Variants in NMT1 observed in about 807,000 individuals in gnomAD.
NMT1 encodes N-myristoyltransferase 1.
Under a neutral mutation model 63.4 loss-of-function variants are expected in NMT1, and 12 were observed. The observed-to-expected ratio is 0.19, with a 90% CI of 0.12 to 0.31. The LOEUF (loss-of-function observed/expected upper bound fraction) is 0.31. Among genes scored for constraint, NMT1 ranks in the 10% least tolerant of loss-of-function variants. The probability of loss-of-function intolerance (pLI) is 1.00; values close to 1 mark genes in which losing one functional copy is unlikely to be tolerated. For missense variants in NMT1, 432 were observed against 634.6 expected (o/e 0.68, Z 3.43); for synonymous variants, 228 against 234.3 (o/e 0.97, Z 0.25).
chr17:45,086,124 CTTTT>C (rs758394346), intron 2 of NMT1, among the ~76,000 whole-genome samples: 1 of 117,484 alleles, frequency 8.5e-6, no homozygotes, highest in African/African-American at 3.1e-5. Context: ...GCCCAGCACT[CTTTT>C]TTTTTTTTTT....
chr17:45,087,673 T>G (rs2143493238), intron 3 of NMT1, among the ~76,000 whole-genome samples: 1 of 152,266 alleles, frequency 6.6e-6, no homozygotes, highest in East Asian at 1.9e-4. Context: ...AAAGTAAGTA[T>G]GTTGAAAAAA....
At chr17:45,066,984 T>C (rs2053907260) in intron 1 of NMT1, among the ~76,000 whole-genome samples, 1 of 152,196 alleles carries the variant, frequency 6.6e-6, no homozygotes. Context: ...CCTCCCAAAC[T>C]GCTGGGATTG....
At chr17:45,102,905 A>C in intron 8 of NMT1, 46 bp from the exon 9 acceptor site, 1 of 1,557,822 alleles carries the variant, frequency 6.4e-7, no homozygotes, top group Non-Finnish European at 8.8e-7. Flanking sequence ...GGATAGATCC[A>C]GGGTGATCAG....
chr17:45,099,676 C>T (rs2054148863), intron 8 of NMT1, 163 bp downstream of exon 8: 1 of 596,164 alleles, frequency 1.7e-6, no homozygotes, highest in African/African-American at 1.9e-5. Flanking sequence ...TTTCTGTTAT[C>T]TGAAGCAGGA....
At position 45,104,709 on chromosome 17, in the gene NMT1, CG is replaced by C; in HGVS notation, c.1333-146del. 1 of 1,462,906 alleles carries C rather than the reference CG, an allele frequency of 6.8e-7. No homozygotes were observed. Among genetic ancestry groups the C allele is most frequent in the Admixed American group, 2.5e-5 (1 of 39,922 alleles). 90.6% of individuals were successfully genotyped at this position (1,462,906 alleles called of 1,614,324 possible). A position where few individuals can be genotyped will look rare whatever the true frequency, so the allele number is the denominator to read the frequency against. ...AGTGTCCTGAGAACCACCCGGAGAG[CG>C]GGGATTAACGTGGAAGCAGCGGAGC... On this transcript the variant is annotated intron_variant, in intron 10 of 11. Transcript: ENST00000258960. This position sits in a 1 kb window ranked among gnomAD's most constrained non-coding sequence, Gnocchi z 4.2.
In NMT1 at chr17:45,098,532, A is replaced by G. The variant is rs1284923476; in HGVS notation, c.864A>G (p.Pro288=). The G allele has an allele frequency of 6.2e-7, 1 of 1,614,142 alleles. No homozygotes were observed. Among genetic ancestry groups the G allele is most frequent in the Non-Finnish European group, 8.5e-7 (1 of 1,180,000 alleles). ...QAVYTAGVVL[P]KPVGTCRYWH... is the part of the protein sequence containing the mutation. ...TTTACACTGCCGGGGTGGTACTACCAAAGCCCGTTGGCACCTGCAGGTAAA... is the reference window on the plus strand; with the variant it reads ...TTTACACTGCCGGGGTGGTACTACCGAAGCCCGTTGGCACCTGCAGGTAAA... Residue 288 remains proline, a synonymous_variant, in exon 7 of 12, where the codon CCA becomes CCG. Coordinates refer to ENST00000258960, the MANE Select transcript of NMT1 (RefSeq NM_021079.5).
At chr17:45,061,565 C>G (rs2053858740) in intron 1 of NMT1, 105 bp downstream of exon 1, 1 of 976,370 alleles carries the variant, frequency 1.0e-6, no homozygotes, top group Non-Finnish European at 1.5e-6. Flanking sequence ...CCCTCATGTT[C>G]TTATTGGCTA....
At chr17:45,084,459 C>T (rs965325100) in intron 2 of NMT1, among the ~76,000 whole-genome samples, 6 of 151,932 alleles carry the variant, frequency 3.9e-5, no homozygotes, top group East Asian at 1.9e-4. Context: ...CTCAGCCTCC[C>T]GAGTAGCTGG....
chr17:45,103,927 G>A lies in NMT1; in HGVS notation c.1332+51G>A. The A allele has an allele frequency of 6.2e-7, 1 of 1,606,754 alleles. No individual in the cohort carries two copies. The highest frequency in any genetic ancestry group is 1.1e-5 in the South Asian group (1 of 91,046). The stretch of plus-strand genomic sequence containing the variant: ...GGAGATGTGCAGGGAAGAGGCAGTG[G>A]AGCCATGGTGAGCACAGCTCCCGGG... On this transcript the variant is annotated intron_variant, in intron 10 of 11. Coordinates refer to ENST00000258960, the MANE Select transcript of NMT1 (RefSeq NM_021079.5). The surrounding 1 kb of genome is among the most constrained non-coding windows in gnomAD (Gnocchi z 4.8).
Position 45,061,472 on chromosome 17 carries a change from C to G in NMT1, c.131+12C>G. 1 of 1,610,088 alleles carries G rather than the reference C, an allele frequency of 6.2e-7. No individual in the cohort carries two copies. Among genetic ancestry groups the G allele is most frequent in the South Asian group, 1.1e-5 (1 of 90,524 alleles). ...AGCTACAACCGGGGGTAACGAAATC[C>G]TCGGAGTCCAATTCCCGTCCAGCCT... On this transcript the variant is annotated intron_variant, in intron 1 of 11. Coordinates refer to ENST00000258960, the MANE Select transcript of NMT1 (RefSeq NM_021079.5).
chr17:45,070,175 G>C (rs146593565), intron 1 of NMT1, among the ~76,000 whole-genome samples: 1,864 of 152,272 alleles, frequency 0.012, 22 homozygotes, highest in African/African-American at 0.034. Flanking sequence ...GGAGGGCCGA[G>C]GGTGGCAGCA....
chr17:45,083,089 G>A (rs968927413), intron 2 of NMT1, among the ~76,000 whole-genome samples: 2 of 151,678 alleles, frequency 1.3e-5, no homozygotes, highest in Non-Finnish European at 2.9e-5. Context: ...GGCCAAGGCG[G>A]GTGGATCACG....
Position 45,081,658 on chromosome 17 carries a change from C to T in NMT1, c.146C>T (p.Ala49Val). 6.2e-7 allele frequency: 1 copy of T among 1,612,622 alleles called. No homozygotes were observed. The highest frequency in any genetic ancestry group is 2.2e-5 in the East Asian group (1 of 44,850). ...TTTTGTTACAGTGGTTTGAGTCCAG[C>T]CAATGACACTGGAGCCAAAAAGAAG... is the stretch of plus-strand genomic sequence containing the variant. ...NSYNRGGLSP[A>V]NDTGAKKKKK... Residue 49 changes from alanine to valine, a missense_variant, in exon 2 of 12, where the codon GCC becomes GTC. Around this residue, in one of 4 missense-constraint regions of NMT1, gnomAD observed 121 missense variants for 103.7 expected, o/e 1.17. Coordinates refer to ENST00000258960, the MANE Select transcript of NMT1 (RefSeq NM_021079.5).
At chr17:45,095,475 T>C (rs2054119129) in intron 4 of NMT1, among the ~76,000 whole-genome samples, 5 of 152,146 alleles carry the variant, frequency 3.3e-5, no homozygotes, top group African/African-American at 1.2e-4. Context: ...AAAAAGGCCT[T>C]TGTGGTTGGG....
intron 1 of NMT1, among the ~76,000 whole-genome samples, chr17:45,076,018 C>T (rs2143469250): frequency 6.6e-6 from 1 of 152,190 alleles, no homozygotes; most frequent in South Asian, 2.1e-4. Flanking sequence ...TGCAGTGAGC[C>T]AAGATTGTGC....
Position 45,100,039 on chromosome 17 carries a change from A to G in NMT1, c.993+526A>G, listed in dbSNP as rs555338686. ...TTCTGTTCTGGGTCTCAGTTTTCCT[A>G]GTTTCCCAAAGAAACAAATGCTCCA... On this transcript the variant is annotated intron_variant, in intron 8 of 11. Coordinates refer to ENST00000258960, the MANE Select transcript of NMT1 (RefSeq NM_021079.5). Among the ~76,000 whole-genome samples, 20 of 152,032 alleles carry G rather than the reference A, an allele frequency of 1.3e-4. No individual in the cohort carries two copies. In the East Asian group the frequency reaches 2.7e-3, roughly 21 times the overall value.
At chr17:45,080,947 T>C (rs2054013726) in intron 1 of NMT1, among the ~76,000 whole-genome samples, 1 of 152,096 alleles carries the variant, frequency 6.6e-6, no homozygotes, top group African/African-American at 2.4e-5. Context: ...TTTATATTTT[T>C]AGTAGAAACA....
rs1330209973 is a variant in NMT1, at chr17:45,105,631, C to T, written c.1483C>T (p.Leu495=). ...TTGGCTTTCCTAGGTTGGACTGGTG[C>T]TACAATAACCAGTCACCAGTGCGAT... The part of the protein sequence containing the change: ...SMGAEKVGLV[L]Q The change falls in exon 12 of 12, where the codon CTA becomes TTA. Residue 495 remains leucine, a synonymous_variant. Transcript: ENST00000258960. The surrounding 1 kb of genome is among the most constrained non-coding windows in gnomAD (Gnocchi z 4.2). The T allele has an allele frequency of 6.2e-7, 1 of 1,613,156 alleles. No homozygotes were observed. Among genetic ancestry groups the T allele is most frequent in the African/African-American group, 1.3e-5 (1 of 74,868 alleles).
intron 1 of NMT1, among the ~76,000 whole-genome samples, chr17:45,069,184 C>T (rs2143454696): frequency 6.7e-6 from 1 of 149,002 alleles, no homozygotes; most frequent in Admixed American, 6.7e-5. Context: ...TGGTCTTGAA[C>T]TCCTGACCTC....
Sources: allele counts gnomAD v4.1 joint callset (sites outside exome capture counted in the v4.1 genomes callset), GRCh38; gene constraint gnomAD v4.1.1; regional missense constraint gnomAD v4.1.1; non-coding constraint Gnocchi (gnomAD v3.1); transcripts MANE v1.5; gene names NCBI Gene and HGNC (gene_info 2026-07-23, HGNC 2026-07-21).